The following GALNT2 variants were observed in gnomAD, a reference collection of about 807,000 sequenced individuals.
GALNT2 encodes polypeptide N-acetylgalactosaminyltransferase 2.
Under a neutral mutation model 81.4 loss-of-function variants are expected in GALNT2, and 31 were observed. The observed-to-expected ratio is 0.38, with a 90% CI of 0.29 to 0.51. GALNT2 has a LOEUF of 0.51. GALNT2 is among the 20% of genes least tolerant of loss of function. The probability of loss-of-function intolerance (pLI) is 0.87; values close to 1 mark genes in which losing one functional copy is unlikely to be tolerated. For missense variants in GALNT2, 629 were observed against 765.7 expected (o/e 0.82, Z 2.11); for synonymous variants, 303 against 287.4 (o/e 1.05, Z -0.55).
intron 11 of GALNT2, among the ~76,000 whole-genome samples, chr1:230,259,253 A>G (rs1006812582): frequency 2.6e-5 from 4 of 152,238 alleles, no homozygotes; most frequent in African/African-American, 7.2e-5. Context: ...ATTTATATGT[A>G]CTACCTAATG....
chr1:230,239,098 G>A (rs1370364446), intron 6 of GALNT2, among the ~76,000 whole-genome samples: 1 of 151,914 alleles, frequency 6.6e-6, no homozygotes, highest in Admixed American at 6.6e-5. Context: ...TATATTTATT[G>A]GCTCAAAGTT....
At chr1:230,224,000 G>A (rs914577691) in intron 3 of GALNT2, among the ~76,000 whole-genome samples, 1 of 152,236 alleles carries the variant, frequency 6.6e-6, no homozygotes, top group Non-Finnish European at 1.5e-5. Context: ...TAACCTCTAA[G>A]AAGGGTGCTC....
chr1:230,092,660 A>C (rs1020100783), intron 1 of GALNT2, among the ~76,000 whole-genome samples: 32 of 152,148 alleles, frequency 2.1e-4, no homozygotes, highest in African/African-American at 6.3e-4. Context: ...GACATTTCTA[A>C]ACCTTATCTC....
In GALNT2 at chr1:230,185,710, C is replaced by G. The variant is rs973855787; in HGVS notation, c.220+7399C>G. 2.6e-5 allele frequency among the ~76,000 whole-genome samples: 4 copies of G among 152,202 alleles called. No homozygotes were observed. The East Asian group carries it at 7.7e-4, about 29-fold the overall frequency. ...CTTCTTTCAAAATGGTTATTTTCCC[C>G]TCTCACTGTTGTAAGCATGAGGGGA... On this transcript the variant is annotated intron_variant, in intron 2 of 15. Coordinates refer to ENST00000366672, the MANE Select transcript of GALNT2 (RefSeq NM_004481.5).
chr1:230,149,550 G>T (rs1210225965), intron 1 of GALNT2, among the ~76,000 whole-genome samples: 1 of 152,192 alleles, frequency 6.6e-6, no homozygotes, highest in African/African-American at 2.4e-5. Context: ...ACAGGGGCAT[G>T]TATTGAGTGC....
At chr1:230,234,396 C>T (rs1174645713) in intron 3 of GALNT2, among the ~76,000 whole-genome samples, 1 of 152,190 alleles carries the variant, frequency 6.6e-6, no homozygotes, top group Admixed American at 6.5e-5. Flanking sequence ...TTTGGGGTAT[C>T]ATTTTCGGAG....
chr1:230,101,476 G>A (rs921706236), intron 1 of GALNT2, among the ~76,000 whole-genome samples: 3 of 152,186 alleles, frequency 2.0e-5, no homozygotes, highest in African/African-American at 7.2e-5. Flanking sequence ...CAGGTGCCAA[G>A]GTGTGTTTGT....
chr1:230,129,342 A>C (rs1313288297), intron 1 of GALNT2, among the ~76,000 whole-genome samples: 1 of 152,154 alleles, frequency 6.6e-6, no homozygotes, highest in Non-Finnish European at 1.5e-5. Flanking sequence ...TTTAGAGATG[A>C]GATCTTGCTC....
intron 14 of GALNT2, among the ~76,000 whole-genome samples, chr1:230,272,340 A>G (rs1666179661): frequency 6.6e-6 from 1 of 152,134 alleles, no homozygotes; most frequent in South Asian, 2.1e-4. Flanking sequence ...GGCTGCCTCC[A>G]TGCCGTGTTT....
At chr1:230,201,477 C>T (rs1398328723) in intron 2 of GALNT2, among the ~76,000 whole-genome samples, 1 of 152,190 alleles carries the variant, frequency 6.6e-6, no homozygotes, top group African/African-American at 2.4e-5. Flanking sequence ...TCAGTTTCCT[C>T]ATCTCTGAAA....
upstream of GALNT2, chr1:230,057,928 G>T: frequency 2.3e-6 from 1 of 435,922 alleles, no homozygotes; most frequent in Non-Finnish European, 4.7e-6. Context: ...TGTCGTCCGG[G>T]GCTAGGAGGA....
chr1:230,275,926 C>T lies in GALNT2; in HGVS notation c.1560+1362C>T, dbSNP rs12046403. Among the ~76,000 whole-genome samples, 61,935 of 143,290 alleles carry T rather than the reference C, an allele frequency of 0.43. 14,733 individuals are homozygous for T. Among genetic ancestry groups the T allele is most frequent in the African/African-American group, 0.63 (24,429 of 38,840 alleles). 94.0% of individuals were successfully genotyped at this position (143,290 alleles called of 152,430 possible). A position where few individuals can be genotyped will look rare whatever the true frequency, so the allele number is the denominator to read the frequency against. ...CATATATACATAGACACCACAGATA[C>T]ATACATATATACATGCCACATATAT... is the stretch of plus-strand genomic sequence containing the variant. On this transcript the variant is annotated intron_variant, in intron 15 of 15. Coordinates refer to ENST00000366672, the MANE Select transcript of GALNT2 (RefSeq NM_004481.5). The surrounding 1 kb of genome is among the most constrained non-coding windows in gnomAD (Gnocchi z 5.5).
chr1:230,261,452 G>T (rs1382814242), intron 11 of GALNT2, among the ~76,000 whole-genome samples: 4 of 152,164 alleles, frequency 2.6e-5, no homozygotes, highest in African/African-American at 9.7e-5. Context: ...GCCTTCCTAT[G>T]GGGTTCTTAA....
In GALNT2 at chr1:230,236,697, G is replaced by T. The variant is rs778668051; in HGVS notation, c.579G>T (p.Val193=). ...DGALLGKIEK[V]RVLRNDRREG... ...CTCTCTTGGGGAAAATTGAGAAAGT[G>T]CGAGTTCTTAGAAATGATCGACGAG... The change falls in exon 6 of 16, where the codon GTG becomes GTT. Residue 193 remains valine, a synonymous_variant. Coordinates refer to ENST00000366672, the MANE Select transcript of GALNT2 (RefSeq NM_004481.5). 6.2e-7 allele frequency: 1 copy of T among 1,613,750 alleles called. No individual in the cohort carries two copies. The highest frequency in any genetic ancestry group is 1.3e-5 in the African/African-American group (1 of 74,978).
chr1:230,225,898 C>T (rs1321367360), intron 3 of GALNT2, among the ~76,000 whole-genome samples: 1 of 152,184 alleles, frequency 6.6e-6, no homozygotes, highest in Non-Finnish European at 1.5e-5. Context: ...TCCCAGGTAT[C>T]ACCCAGACCT....
At chr1:230,255,183 T>C in intron 10 of GALNT2, 35 bp from the exon 11 acceptor site, 2 of 1,614,144 alleles carry the variant, frequency 1.2e-6, no homozygotes, top group Non-Finnish European at 1.7e-6. Flanking sequence ...CGTCCCAGGC[T>C]CTGTCAGTCA....
intron 1 of GALNT2, among the ~76,000 whole-genome samples, chr1:230,170,873 A>G (rs1381788139): frequency 6.6e-6 from 1 of 152,180 alleles, no homozygotes; most frequent in Admixed American, 6.5e-5. Flanking sequence ...ATCCACCCCC[A>G]TGACGCAAAC....
chr1:230,100,985 G>A (rs1660385754), intron 1 of GALNT2, among the ~76,000 whole-genome samples: 1 of 152,086 alleles, frequency 6.6e-6, no homozygotes, highest in Non-Finnish European at 1.5e-5. Flanking sequence ...TTCTATTTTA[G>A]ATAACAAATA....
At chr1:230,129,426 T>TC (rs1661297407) in intron 1 of GALNT2, among the ~76,000 whole-genome samples, 1 of 152,194 alleles carries the variant, frequency 6.6e-6, no homozygotes, top group South Asian at 2.1e-4. Flanking sequence ...CAAGTGATCC[T>TC]CCCTCCTCAG....
Sources: gnomAD v4.1 joint callset for allele counts (sites outside exome capture counted in the v4.1 genomes callset) on GRCh38, gnomAD v4.1.1 for gene constraint, Gnocchi (gnomAD v3.1) non-coding constraint, MANE v1.5 for transcripts, NCBI Gene and HGNC (gene_info 2026-07-23, HGNC 2026-07-21) for gene names.